The following NCKAP5 variants were observed in gnomAD, a reference collection of about 807,000 sequenced individuals.
The protein encoded by NCKAP5 is NCK associated protein 5, also known as nck-associated protein 5.
In NCKAP5, 92 loss-of-function variants were observed where a neutral mutation model predicts 167.0. That is an observed-to-expected ratio of 0.55 (90% confidence interval 0.47 to 0.66). The LOEUF is 0.66. Ranked by LOEUF, NCKAP5 falls within the 30% of genes least tolerant of loss-of-function variation. NCKAP5 has a pLI of 0.00. For missense variants in NCKAP5, 2,378 were observed against 2,315.0 expected (o/e 1.03, Z -0.56); for synonymous variants, 891 against 877.4 (o/e 1.02, Z -0.27).
At chr2:133,451,951 G>A (rs545015072) in intron 3 of NCKAP5, among the ~76,000 whole-genome samples, 12 of 152,276 alleles carry the variant, frequency 7.9e-5, no homozygotes, top group African/African-American at 2.6e-4. Context: ...ACTGAGTAAT[G>A]GGGGCTATAT....
intron 16 of NCKAP5, among the ~76,000 whole-genome samples, chr2:132,753,082 A>G (rs1680250579): frequency 1.3e-5 from 2 of 152,230 alleles, no homozygotes; most frequent in South Asian, 4.1e-4. Flanking sequence ...CACCTTTATG[A>G]AAACACCCAG....
chr2:132,892,910 A>C (rs949029010), intron 8 of NCKAP5, among the ~76,000 whole-genome samples: 1 of 151,684 alleles, frequency 6.6e-6, no homozygotes, highest in African/African-American at 2.4e-5. Flanking sequence ...AACCCTCTCT[A>C]CCAAGAAGCA....
chr2:132,994,502 T>C lies in NCKAP5; in HGVS notation c.342-263A>G, dbSNP rs1471470999. Among the ~76,000 whole-genome samples, 4 of 152,192 alleles carry C rather than the reference T, an allele frequency of 2.6e-5. No individual in the cohort carries two copies. In the South Asian group the frequency reaches 6.2e-4, roughly 24 times the overall value. On this transcript the variant is annotated intron_variant, in intron 6 of 19. Coordinates refer to ENST00000409261, the MANE Select transcript of NCKAP5 (RefSeq NM_207363.3). ...CTAAACTCATGCACCTATCTCCCAATATCCCTCTTCATTTCCAATCACTTC... is the reference window on the plus strand; with the variant it reads ...CTAAACTCATGCACCTATCTCCCAACATCCCTCTTCATTTCCAATCACTTC...
At chr2:133,191,044 G>A (rs1344271257) in intron 5 of NCKAP5, among the ~76,000 whole-genome samples, 1 of 151,976 alleles carries the variant, frequency 6.6e-6, no homozygotes, top group Non-Finnish European at 1.5e-5. Flanking sequence ...CTAATATACA[G>A]AATCTACAAA....
At chr2:133,037,140 T>C (rs1246891620) in intron 6 of NCKAP5, among the ~76,000 whole-genome samples, 4 of 151,834 alleles carry the variant, frequency 2.6e-5, no homozygotes, top group African/African-American at 9.7e-5. Flanking sequence ...ACAATAAAAG[T>C]GATTGAAGAG....
At chr2:133,011,027 A>C (rs1412029792) in intron 6 of NCKAP5, among the ~76,000 whole-genome samples, 1 of 152,236 alleles carries the variant, frequency 6.6e-6, no homozygotes, top group African/African-American at 2.4e-5. Flanking sequence ...AAAATTAAGC[A>C]TTGATAAACA....
chr2:133,125,475 G>A (rs2082374182), intron 6 of NCKAP5, among the ~76,000 whole-genome samples: 1 of 152,170 alleles, frequency 6.6e-6, no homozygotes, highest in Non-Finnish European at 1.5e-5. Flanking sequence ...GCGGTTAGAG[G>A]AGTGGGGAGA....
chr2:133,295,482 A>G (rs1679895685), intron 4 of NCKAP5, among the ~76,000 whole-genome samples: 1 of 152,190 alleles, frequency 6.6e-6, no homozygotes, highest in South Asian at 2.1e-4. Flanking sequence ...TTATTTGACC[A>G]TGGAGTACCC....
chr2:133,316,663 C>A (rs1349235477), intron 3 of NCKAP5, among the ~76,000 whole-genome samples: 1 of 152,170 alleles, frequency 6.6e-6, no homozygotes, highest in Admixed American at 6.5e-5. Context: ...ATAAATCACC[C>A]AAGAGGAGCG....
intron 6 of NCKAP5, among the ~76,000 whole-genome samples, chr2:133,101,777 G>A (rs952386867): frequency 2.6e-5 from 4 of 152,228 alleles, no homozygotes; most frequent in Non-Finnish European, 4.4e-5. Context: ...TTGAAAGACT[G>A]TTCCACCAAG....
chr2:133,317,123 C>CA (rs932011080), intron 3 of NCKAP5, among the ~76,000 whole-genome samples: 6 of 152,172 alleles, frequency 3.9e-5, no homozygotes, highest in East Asian at 1.9e-4. Context: ...CATGCCCTCA[C>CA]AAAAAATAAA....
At chr2:132,872,571 G>A (rs536235967) in intron 9 of NCKAP5, among the ~76,000 whole-genome samples, 56 of 152,342 alleles carry the variant, frequency 3.7e-4, no homozygotes, top group African/African-American at 1.1e-3. Flanking sequence ...GGCTGGGGTG[G>A]AGGGTGGAGA....
At chr2:132,675,677 C>T (rs368783483) in intron 19 of NCKAP5, among the ~76,000 whole-genome samples, 1 of 152,088 alleles carries the variant, frequency 6.6e-6, no homozygotes, top group Non-Finnish European at 1.5e-5. Context: ...AATCATAATT[C>T]GTTGTGAAAT....
At chr2:132,915,056 C>G (rs1212391398) in intron 8 of NCKAP5, among the ~76,000 whole-genome samples, 1 of 151,162 alleles carries the variant, frequency 6.6e-6, no homozygotes, top group Non-Finnish European at 1.5e-5. Flanking sequence ...AAGTATTCAT[C>G]TAAGGAAATA....
At chr2:133,240,973 A>G (rs970616942) in intron 4 of NCKAP5, among the ~76,000 whole-genome samples, 3 of 152,192 alleles carry the variant, frequency 2.0e-5, no homozygotes, top group African/African-American at 4.8e-5. Context: ...AAAATTCTGT[A>G]TATCTAAAAA....
chr2:133,017,730 C>CT (rs2078388220), intron 6 of NCKAP5, among the ~76,000 whole-genome samples: 1 of 151,768 alleles, frequency 6.6e-6, no homozygotes, highest in African/African-American at 2.4e-5. Flanking sequence ...TTCCCCGCCC[C>CT]CCCACTGTTT....
intron 2 of NCKAP5, among the ~76,000 whole-genome samples, chr2:133,519,358 G>A (rs1327218992): frequency 6.6e-6 from 1 of 152,218 alleles, no homozygotes. Flanking sequence ...ATTCTAGGCA[G>A]TATTTTTCAG....
At chr2:132,675,410 C>T (rs1351204872) in intron 19 of NCKAP5, among the ~76,000 whole-genome samples, 5 of 152,150 alleles carry the variant, frequency 3.3e-5, no homozygotes, top group African/African-American at 1.2e-4. Flanking sequence ...AGTGGGTGTG[C>T]AATAAATGTA....
rs1196254479 is a variant in NCKAP5, at chr2:132,784,338, G to A, written c.2473C>T (p.Leu825Phe). ...KLMEPEATTL[L>F]PSSGLVTLEK... ...AGAGTCACCAGGCCAGATGAAGGGA[G>A]TAGTGTGGTGGCTTCGGGCTCCATT... Residue 825 changes from leucine to phenylalanine, a missense_variant, in exon 14 of 20, where the codon CTC (leucine) becomes TTC (phenylalanine). Transcript: ENST00000409261. 2 of 1,614,068 alleles carry A rather than the reference G, an allele frequency of 1.2e-6. No individual in the cohort carries two copies. Among genetic ancestry groups the A allele is most frequent in the Non-Finnish European group, 1.7e-6 (2 of 1,179,904 alleles).
Sources: allele counts gnomAD v4.1 joint callset (sites outside exome capture counted in the v4.1 genomes callset), GRCh38; gene constraint gnomAD v4.1.1; transcripts MANE v1.5; gene names NCBI Gene and HGNC (gene_info 2026-07-23, HGNC 2026-07-21).